Variants in SSBP1 observed in about 807,000 individuals in gnomAD.
SSBP1 encodes single stranded DNA binding protein 1.
A neutral mutation model predicts 27.0 loss-of-function variants in SSBP1; 20 were observed. The observed-to-expected ratio is 0.74, with a 90% confidence interval of 0.52 to 1.08. The LOEUF (loss-of-function observed/expected upper bound fraction) is 1.08. Ranked by LOEUF, SSBP1 falls within the 50% of genes least tolerant of loss-of-function variation. The pLI is 0.00. For missense variants in SSBP1, 137 were observed against 182.4 expected (o/e 0.75, Z 1.44); for synonymous variants, 59 against 59.3 (o/e 1.00, Z 0.02).
chr7:141,743,075 T>C lies in SSBP1; in HGVS notation c.86-486T>C, dbSNP rs529974822. 1.4e-4 allele frequency among the ~76,000 whole-genome samples: 22 copies of C among 152,128 alleles called. No individual in the cohort carries two copies. The East Asian group carries it at 1.7e-3, about 12-fold the overall frequency. On this transcript the variant is annotated intron_variant, in intron 3 of 6. Transcript: ENST00000265304. The stretch of plus-strand genomic sequence containing the variant: ...TCACCGTGTTAGCCAGCATGGTCTC[T>C]CTCTCCTGACCTTGTGATCCGCCCG...
At chr7:141,742,319 A>C in intron 3 of SSBP1, 90 bp downstream of exon 3, 1 of 947,968 alleles carries the variant, frequency 1.1e-6, no homozygotes, top group African/African-American at 1.6e-5. Flanking sequence ...GCTTGGGTTA[A>C]CCATGTTGCC....
At chr7:141,743,103 T>C (rs1470175955) in intron 3 of SSBP1, among the ~76,000 whole-genome samples, 1 of 152,230 alleles carries the variant, frequency 6.6e-6, no homozygotes, top group Non-Finnish European at 1.5e-5. Flanking sequence ...TCCGCCCGCC[T>C]TGGCCTCCCA....
At chr7:141,744,051 C>T in intron 5 of SSBP1, 62 bp downstream of exon 5, 1 of 1,460,988 alleles carries the variant, frequency 6.8e-7, no homozygotes, top group South Asian at 1.2e-5. Context: ...AAGAAGTGTT[C>T]TCATGGCAAG....
intron 1 of SSBP1, 79 bp from the exon 2 acceptor site, chr7:141,739,045 G>C: frequency 1.3e-6 from 1 of 750,982 alleles, no homozygotes. Context: ...TATGAATATA[G>C]TTAGGAATTT....
At chr7:141,748,446 A>G (rs879347955) in intron 6 of SSBP1, among the ~76,000 whole-genome samples, 5 of 152,046 alleles carry the variant, frequency 3.3e-5, no homozygotes, top group Non-Finnish European at 7.4e-5. Context: ...ACCATACCTT[A>G]TTAATAATTT....
intron 6 of SSBP1, among the ~76,000 whole-genome samples, chr7:141,747,704 A>T (rs540071277): frequency 1.3e-5 from 2 of 151,574 alleles, no homozygotes; most frequent in African/African-American, 4.8e-5. Flanking sequence ...TATTTTTTAA[A>T]AATTGATTTT....
chr7:141,738,815 T>C (rs1799388526), intron 1 of SSBP1: 1 of 236,504 alleles, frequency 4.2e-6, no homozygotes, highest in Non-Finnish European at 8.2e-6. Context: ...AAATCTCTGC[T>C]CTAAGGGAGC....
chr7:141,745,783 A>G, intron 6 of SSBP1, 199 bp downstream of exon 6: 5 of 1,320,722 alleles, frequency 3.8e-6, no homozygotes, highest in Non-Finnish European at 4.8e-6. Flanking sequence ...AATTATTTTT[A>G]TACTTACAGT....
At chr7:141,742,276 C>A (rs760680047) in intron 3 of SSBP1, 47 bp downstream of exon 3, 47 of 1,444,752 alleles carry the variant, frequency 3.3e-5, no homozygotes, top group Non-Finnish European at 3.7e-5. Context: ...TAGTAATTTG[C>A]CAATCTCAAA....
Position 141,739,249 on chromosome 7 carries a change from G to A in SSBP1, c.24+59G>A, listed in dbSNP as rs1194878354. ...TTACTATCAGCCACAGTGATCAGAA[G>A]ACTTCTTTAGGCTTTTAACTACAGG... On this transcript the variant is annotated intron_variant, in intron 2 of 6. Coordinates refer to ENST00000265304, the MANE Select transcript of SSBP1 (RefSeq NM_003143.3). 2.1e-6 allele frequency: 3 copies of A among 1,434,298 alleles called. No individual in the cohort carries two copies. In the East Asian group the frequency reaches 7.3e-5, roughly 35 times the overall value. 88.8% of individuals were successfully genotyped at this position (1,434,298 alleles called of 1,614,324 possible).
intron 2 of SSBP1, chr7:141,740,013 A>T (rs1799467689): frequency 6.6e-6 from 1 of 152,210 alleles, no homozygotes; most frequent in South Asian, 2.1e-4. Flanking sequence ...AAAATTATCC[A>T]AGTTAAATAA....
chr7:141,738,512 C>T (rs1226130498), intron 1 of SSBP1, 102 bp downstream of exon 1: 1 of 152,786 alleles, frequency 6.5e-6, no homozygotes, highest in Non-Finnish European at 1.5e-5. Flanking sequence ...GTGTAGGTGT[C>T]TGGCCCTTTC....
At chr7:141,748,554 GT>G (rs1563030641) in intron 6 of SSBP1, among the ~76,000 whole-genome samples, 1 of 152,136 alleles carries the variant, frequency 6.6e-6, no homozygotes, top group East Asian at 1.9e-4. Context: ...CTACCCTCCT[GT>G]GGGTCCCAAT....
rs1052324813 is a variant in SSBP1 at position 141,750,455 on chromosome 7, C to A, written c.*101C>A. 3 of 978,490 alleles carry A rather than the reference C, an allele frequency of 3.1e-6. No individual in the cohort carries two copies. The Admixed American group carries it at 8.5e-5, about 28-fold the overall frequency. The allele number at this position is 978,490 out of a possible 1,614,324, so 60.6% of individuals were successfully genotyped here. ...GGACAAGAATTAAAATACTCTTTTACGTAAAATGAGTAATAATCTTTTTTC... is the reference window on the plus strand; with the variant it reads ...GGACAAGAATTAAAATACTCTTTTAAGTAAAATGAGTAATAATCTTTTTTC... On this transcript the variant is annotated 3_prime_UTR_variant, in exon 7 of 7. Coordinates refer to ENST00000265304, the MANE Select transcript of SSBP1 (RefSeq NM_003143.3).
intron 6 of SSBP1, among the ~76,000 whole-genome samples, chr7:141,749,531 C>T (rs1799894079): frequency 1.3e-5 from 2 of 152,194 alleles, no homozygotes; most frequent in Non-Finnish European, 2.9e-5. Context: ...CCTGTAATCC[C>T]AGCACTTTGG....
At chr7:141,749,386 C>A (rs1334957888) in intron 6 of SSBP1, among the ~76,000 whole-genome samples, 1 of 152,188 alleles carries the variant, frequency 6.6e-6, no homozygotes, top group African/African-American at 2.4e-5. Context: ...TTTTAGCTAA[C>A]TCCCTCTGGA....
At chr7:141,745,329 ACT>A (rs1022000458) in intron 5 of SSBP1, among the ~76,000 whole-genome samples, 165 bp from the exon 6 acceptor site, 4 of 152,188 alleles carry the variant, frequency 2.6e-5, no homozygotes, top group African/African-American at 9.7e-5. Flanking sequence ...CTGTTTGGAC[ACT>A]CTGTTTCAGT....
At position 141,743,579 on chromosome 7, in the gene SSBP1, T is replaced by G; in HGVS notation, c.104T>G (p.Leu35Ter). Residue 35 changes from leucine to a stop codon, truncating the protein, a stop_gained, in exon 4 of 7, where the codon TTA (leucine) becomes TGA (stop). Transcript: ENST00000265304. LOFTEE classifies it high-confidence loss of function. Reference protein sequence around the residue: ...VLERSLNRVHLLGRVGQDPVL... With the variant: ...VLERSLNRVH ...GTTTCAGCCCTGAATCGTGTGCACT[T>G]ACTTGGGCGAGTGGGTCAGGACCCT... The G allele has an allele frequency of 6.2e-7, 1 of 1,614,174 alleles. No homozygotes were observed. Among genetic ancestry groups the G allele is most frequent in the Non-Finnish European group, 8.5e-7 (1 of 1,180,018 alleles).
chr7:141,739,214 C>A, intron 2 of SSBP1, 24 bp downstream of exon 2: 2 of 1,570,716 alleles, frequency 1.3e-6, no homozygotes, highest in Non-Finnish European at 1.7e-6. Context: ...TGTATTAATA[C>A]TGAGATGTAT....
Sources: gnomAD v4.1 joint callset for allele counts (sites outside exome capture counted in the v4.1 genomes callset) on GRCh38, gnomAD v4.1.1 for gene constraint, MANE v1.5 for transcripts, NCBI Gene and HGNC (gene_info 2026-07-23, HGNC 2026-07-21) for gene names.